Variants in MYO10 observed in about 807,000 individuals in gnomAD.
MYO10 encodes the protein myosin X, also known as unconventional myosin-X.
MYO10 carries 133 observed loss-of-function variants against 257.3 expected under a neutral mutation model. That is an observed-to-expected ratio of 0.52 (90% confidence interval 0.45 to 0.60). MYO10 has a LOEUF of 0.60. Among genes scored for constraint, MYO10 ranks in the 20% least tolerant of loss-of-function variants. MYO10 has a pLI of 0.00. For synonymous variants in MYO10, 1,104 were observed against 1,028.6 expected (o/e 1.07, Z -1.40); for missense variants, 2,399 against 2,635.7 (o/e 0.91, Z 1.97).
At chr5:16,756,537 T>C (rs750857257) in intron 18 of MYO10, among the ~76,000 whole-genome samples, 5 of 152,204 alleles carry the variant, frequency 3.3e-5, no homozygotes, top group Non-Finnish European at 7.3e-5. Flanking sequence ...GAACACTACA[T>C]GGATTAATTA....
At chr5:16,746,601 T>G (rs1579943328) in intron 19 of MYO10, among the ~76,000 whole-genome samples, 1 of 152,142 alleles carries the variant, frequency 6.6e-6, no homozygotes, top group East Asian at 1.9e-4. Context: ...TTAAGCGGAG[T>G]TGAAATATCA....
chr5:16,679,302 C>T (rs1234145123), intron 33 of MYO10, among the ~76,000 whole-genome samples: 2 of 152,104 alleles, frequency 1.3e-5, no homozygotes, highest in Non-Finnish European at 2.9e-5. Flanking sequence ...GCAGGTGGTC[C>T]CCCACGCAGG....
At chr5:16,702,352 C>T (rs1025123674) in intron 24 of MYO10, among the ~76,000 whole-genome samples, 191 bp downstream of exon 24, 1 of 152,244 alleles carries the variant, frequency 6.6e-6, no homozygotes, top group African/African-American at 2.4e-5. Context: ...GTGATGCACA[C>T]TAAAACCTCA....
chr5:16,720,952 T>C (rs895133476), intron 19 of MYO10, among the ~76,000 whole-genome samples: 1 of 152,220 alleles, frequency 6.6e-6, no homozygotes, highest in African/African-American at 2.4e-5. Context: ...ATTACATGAA[T>C]ACTGTATGTG....
At chr5:16,889,529 AG>A (rs1744990035) in intron 1 of MYO10, among the ~76,000 whole-genome samples, 1 of 144,898 alleles carries the variant, frequency 6.9e-6, no homozygotes, top group Non-Finnish European at 1.5e-5. Context: ...GAAGGAAGGA[AG>A]GAAGGGCGGA....
At chr5:16,902,691 G>T in intron 1 of MYO10, 2 of 911,346 alleles carry the variant, frequency 2.2e-6, no homozygotes, top group Non-Finnish European at 3.6e-6. Context: ...TGTATTTTTA[G>T]TGGAGATGGG....
intron 19 of MYO10, among the ~76,000 whole-genome samples, chr5:16,723,387 C>CA (rs200947901): frequency 9.5e-5 from 14 of 146,842 alleles, no homozygotes; most frequent in East Asian, 7.9e-4. Flanking sequence ...GACTCTGTCT[C>CA]AAAAAAAAAG....
chr5:16,754,571 A>G (rs1740474754), intron 19 of MYO10, among the ~76,000 whole-genome samples: 1 of 152,172 alleles, frequency 6.6e-6, no homozygotes, highest in South Asian at 2.1e-4. Flanking sequence ...CGCTAAAAAA[A>G]AAAAAAAGTA....
At chr5:16,874,091 T>G (rs568722528) in intron 2 of MYO10, among the ~76,000 whole-genome samples, 1 of 152,150 alleles carries the variant, frequency 6.6e-6, no homozygotes, top group East Asian at 1.9e-4. Context: ...TCCCAACACT[T>G]TGGGAGGCCA....
intron 1 of MYO10, among the ~76,000 whole-genome samples, chr5:16,919,384 AAAAC>A (rs1190585309): frequency 6.6e-6 from 1 of 152,098 alleles, no homozygotes; most frequent in Non-Finnish European, 1.5e-5. Context: ...TCTCAAAAAC[AAAAC>A]AAACAAATAA....
intron 27 of MYO10, among the ~76,000 whole-genome samples, chr5:16,690,276 C>T (rs138300931): frequency 1.6e-3 from 247 of 152,300 alleles, no homozygotes; most frequent in Non-Finnish European, 2.5e-3. Flanking sequence ...GCAATGACTA[C>T]ATCCTTTTAT....
At chr5:16,883,147 C>G (rs995566183) in intron 1 of MYO10, among the ~76,000 whole-genome samples, 1 of 152,004 alleles carries the variant, frequency 6.6e-6, no homozygotes, top group South Asian at 2.1e-4. Flanking sequence ...GATCTCCTGA[C>G]CTTGTGATCC....
intron 26 of MYO10, among the ~76,000 whole-genome samples, chr5:16,699,173 T>A (rs913378796): frequency 6.6e-6 from 1 of 152,064 alleles, no homozygotes; most frequent in African/African-American, 2.4e-5. Flanking sequence ...TTGCAAATGC[T>A]TCGTCCTGCC....
At chr5:16,696,729 G>A (rs1737762929) in intron 26 of MYO10, among the ~76,000 whole-genome samples, 2 of 151,952 alleles carry the variant, frequency 1.3e-5, no homozygotes, top group Non-Finnish European at 2.9e-5. Context: ...GGTGGCGCAC[G>A]CCTGTAATCC....
intron 2 of MYO10, among the ~76,000 whole-genome samples, chr5:16,860,008 T>C (rs910104007): frequency 6.6e-6 from 1 of 152,160 alleles, no homozygotes; most frequent in East Asian, 1.9e-4. Context: ...ATGGCCACCA[T>C]GTATGTAGCT....
Position 16,936,065 on chromosome 5 carries a change from G to A in MYO10, c.-257C>T. The A allele has an allele frequency of 3.8e-6, 2 of 520,136 alleles. No homozygotes were observed. The highest frequency in any genetic ancestry group is 3.4e-5 in the East Asian group (1 of 29,488). 32.2% of individuals were successfully genotyped at this position (520,136 alleles called of 1,614,324 possible). ...CAAGTTCCTCACTACTGGGCGCAGC[G>A]CTCGCAAGCGGAGAACAGCTGGTGG... On this transcript the variant is annotated 5_prime_UTR_variant, in exon 1 of 41. Transcript: ENST00000513610.
intron 9 of MYO10, among the ~76,000 whole-genome samples, chr5:16,777,084 G>A (rs1741241946): frequency 2.0e-5 from 3 of 152,098 alleles, no homozygotes; most frequent in Admixed American, 2.0e-4. Context: ...CGTGATGGAA[G>A]GTTTGAGTAG....
chr5:16,744,565 G>C (rs1005933173), intron 19 of MYO10, among the ~76,000 whole-genome samples: 1 of 152,114 alleles, frequency 6.6e-6, no homozygotes, highest in Non-Finnish European at 1.5e-5. Flanking sequence ...CAGGCGCGGC[G>C]CAGGGCTTCC....
chr5:16,888,845 CTCTGT>C (rs1744964143), intron 1 of MYO10, among the ~76,000 whole-genome samples: 1 of 150,082 alleles, frequency 6.7e-6, no homozygotes, highest in African/African-American at 2.5e-5. Context: ...TATCTGTTCT[CTCTGT>C]TCCATAGGGA....
Sources: allele counts gnomAD v4.1 joint callset (sites outside exome capture counted in the v4.1 genomes callset), GRCh38; gene constraint gnomAD v4.1.1; transcripts MANE v1.5; gene names NCBI Gene and HGNC (gene_info 2026-07-23, HGNC 2026-07-21).